The following GARNL3 variants were observed in gnomAD, a reference collection of about 807,000 sequenced individuals.
The protein encoded by GARNL3 is GTPase-activating Rap/Ran-GAP domain-like protein 3.
A neutral mutation model predicts 125.0 loss-of-function variants in GARNL3; 63 were observed. That is an observed-to-expected ratio of 0.50 (90% CI 0.41 to 0.62). The LOEUF (loss-of-function observed/expected upper bound fraction) is 0.62. Ranked by LOEUF, GARNL3 falls within the 20% of genes least tolerant of loss-of-function variation. The pLI, the probability that GARNL3 is intolerant of heterozygous loss-of-function variation, is 0.00. For synonymous variants in GARNL3, 439 were observed against 457.5 expected (o/e 0.96, Z 0.52); for missense variants, 994 against 1,244.0 (o/e 0.80, Z 3.02).
rs915341916 is a variant in GARNL3, at chr9:127,310,720, G to T, written c.220-916G>T. On this transcript the variant is annotated intron_variant, in intron 2 of 27. Transcript: ENST00000373387. ...GCCCAGGAGGTGGAGGTTGCAGTGA[G>T]CCAAGATGGCACCACTGCACTCCAG... 4.7e-5 allele frequency among the ~76,000 whole-genome samples: 7 copies of T among 148,976 alleles called. No individual in the cohort carries two copies. The East Asian group carries it at 1.4e-3, about 29-fold the overall frequency.
intron 1 of GARNL3, among the ~76,000 whole-genome samples, chr9:127,240,353 A>G (rs2063182374): frequency 6.6e-6 from 1 of 152,152 alleles, no homozygotes; most frequent in Non-Finnish European, 1.5e-5. Flanking sequence ...GGTAACTCGC[A>G]GGTGAACTGC....
chr9:127,252,634 C>G (rs2063426100), intron 2 of GARNL3, among the ~76,000 whole-genome samples: 1 of 152,146 alleles, frequency 6.6e-6, no homozygotes, highest in South Asian at 2.1e-4. Flanking sequence ...AAGTAGATAC[C>G]AAGCAACATT....
chr9:127,298,449 G>A (rs1168543901), intron 2 of GARNL3, among the ~76,000 whole-genome samples: 2 of 152,154 alleles, frequency 1.3e-5, no homozygotes, highest in Admixed American at 1.3e-4. Context: ...AAAGCACTAG[G>A]ATTACAGGCA....
chr9:127,300,797 T>A, intron 2 of GARNL3: 1 of 383,148 alleles, frequency 2.6e-6, no homozygotes, highest in Non-Finnish European at 5.0e-6. Flanking sequence ...CAGATTCATT[T>A]GGAAAATTCT....
intron 22 of GARNL3, among the ~76,000 whole-genome samples, chr9:127,383,106 C>A (rs1415785303): frequency 1.3e-5 from 2 of 152,194 alleles, no homozygotes; most frequent in African/African-American, 2.4e-5. Context: ...TCTCTCCTAA[C>A]CTCAATTTTC....
chr9:127,263,162 G>A (rs1270634740), upstream of GARNL3, among the ~76,000 whole-genome samples: 1 of 152,210 alleles, frequency 6.6e-6, no homozygotes, highest in Non-Finnish European at 1.5e-5. Flanking sequence ...AGGCATCTAA[G>A]GAAGGTGGTG....
intron 1 of GARNL3, among the ~76,000 whole-genome samples, chr9:127,232,457 A>C (rs527883062): frequency 1.3e-5 from 2 of 152,224 alleles, no homozygotes; most frequent in African/African-American, 4.8e-5. Flanking sequence ...ACAGGTATGC[A>C]CAACTACTCC....
intron 1 of GARNL3, among the ~76,000 whole-genome samples, chr9:127,287,844 A>G (rs1344020501): frequency 1.3e-5 from 2 of 152,154 alleles, no homozygotes; most frequent in Non-Finnish European, 2.9e-5. Context: ...CCTTTCCTTC[A>G]TGATAGAGCT....
intron 19 of GARNL3, among the ~76,000 whole-genome samples, chr9:127,354,693 G>A (rs1830594138): frequency 1.3e-5 from 2 of 152,190 alleles, no homozygotes; most frequent in Non-Finnish European, 2.9e-5. Context: ...CTGGTTCCCA[G>A]AGCTCTAATT....
At chr9:127,315,320 T>A (rs1390280095) in intron 4 of GARNL3, among the ~76,000 whole-genome samples, 1 of 152,066 alleles carries the variant, frequency 6.6e-6, no homozygotes, top group African/African-American at 2.4e-5. Flanking sequence ...CCAGCACACA[T>A]CTTCTAGGTT....
At chr9:127,343,218 G>C (rs75104013) in intron 14 of GARNL3, among the ~76,000 whole-genome samples, 1,835 of 152,048 alleles carry the variant, frequency 0.012, 47 homozygotes, top group African/African-American at 0.043. Flanking sequence ...CATTTTATAG[G>C]CACTCCTTGA....
intron 1 of GARNL3, among the ~76,000 whole-genome samples, chr9:127,284,947 G>A (rs2064205913): frequency 6.6e-6 from 1 of 152,084 alleles, no homozygotes; most frequent in Non-Finnish European, 1.5e-5. Context: ...CTGGTCTCAA[G>A]CGATCCTCCT....
chr9:127,290,098 G>A (rs2064369162), intron 1 of GARNL3, among the ~76,000 whole-genome samples: 1 of 152,048 alleles, frequency 6.6e-6, no homozygotes, highest in Admixed American at 6.5e-5. Context: ...GTTCATAAAT[G>A]AGAATAATAA....
At chr9:127,362,991 T>C (rs1038404432) in intron 21 of GARNL3, 7 of 152,260 alleles carry the variant, frequency 4.6e-5, no homozygotes, top group African/African-American at 1.7e-4. Flanking sequence ...ATTTACTCAC[T>C]TGCCCATCCG....
intron 15 of GARNL3, among the ~76,000 whole-genome samples, chr9:127,344,856 A>T (rs1210773523): frequency 6.6e-6 from 1 of 152,176 alleles, no homozygotes; most frequent in Non-Finnish European, 1.5e-5. Flanking sequence ...CCCCGCTCGC[A>T]TGTGACACTG....
chr9:127,311,583 C>A, intron 2 of GARNL3, 53 bp from the exon 3 acceptor site: 1 of 1,234,452 alleles, frequency 8.1e-7, no homozygotes, highest in Non-Finnish European at 1.2e-6. Flanking sequence ...TTGCCAGGTT[C>A]ATGTTTACTT....
At chr9:127,300,377 AC>A (rs1199531372) in intron 2 of GARNL3, 2 of 301,512 alleles carry the variant, frequency 6.6e-6, no homozygotes, top group Admixed American at 9.2e-5. Context: ...GTTTTATTTG[AC>A]CCCTTTCACC....
intron 1 of GARNL3, among the ~76,000 whole-genome samples, chr9:127,285,813 T>C (rs2064235477): frequency 6.6e-6 from 1 of 152,226 alleles, no homozygotes; most frequent in Non-Finnish European, 1.5e-5. Context: ...ATTCCCTTAC[T>C]TTCTTTTTGT....
chr9:127,292,408 G>T (rs1262989887), intron 2 of GARNL3, among the ~76,000 whole-genome samples: 1 of 152,148 alleles, frequency 6.6e-6, no homozygotes, highest in Non-Finnish European at 1.5e-5. Flanking sequence ...ACAAGCTCAG[G>T]CAGCCAAGGG....
Sources: allele counts gnomAD v4.1 joint callset (sites outside exome capture counted in the v4.1 genomes callset), GRCh38; gene constraint gnomAD v4.1.1; transcripts MANE v1.5; gene names NCBI Gene and HGNC (gene_info 2026-07-23, HGNC 2026-07-21).